The following ERO1A variants were observed in gnomAD, a reference collection of about 807,000 sequenced individuals.
The protein encoded by ERO1A is ERO1-like protein alpha.
In ERO1A, 49 loss-of-function variants were observed where a neutral mutation model predicts 76.9. That is an observed-to-expected ratio of 0.64 (90% CI 0.51 to 0.81). The LOEUF (loss-of-function observed/expected upper bound fraction) is 0.81, where lower values mean the gene tolerates loss of function less well. ERO1A is among the 30% of genes least tolerant of loss of function. The pLI is 0.00. For synonymous variants in ERO1A, 174 were observed against 181.2 expected (o/e 0.96, Z 0.32); for missense variants, 448 against 542.1 (o/e 0.83, Z 1.72).
At chr14:52,690,752 A>G (rs919984721) in intron 1 of ERO1A, among the ~76,000 whole-genome samples, 8 of 152,220 alleles carry the variant, frequency 5.3e-5, no homozygotes, top group Non-Finnish European at 7.3e-5. Flanking sequence ...ATTATGTGGT[A>G]CACCTTAAAT....
In ERO1A at chr14:52,654,191, G is replaced by A. The variant is rs144530930; in HGVS notation, c.809-876C>T. ...GAACATTTTCTGTTTTTCTTTGCCT[G>A]GTTCTCATGCTAGACTTATAATTTT... On this transcript the variant is annotated intron_variant, in intron 11 of 15. Transcript: ENST00000395686. 9.7e-3 allele frequency among the ~76,000 whole-genome samples: 1,475 copies of A among 151,902 alleles called. 8 individuals carry two copies. The highest frequency in any genetic ancestry group is 0.017 in the Middle Eastern group (5 of 294).
At chr14:52,654,638 A>T (rs1207310543) in intron 11 of ERO1A, among the ~76,000 whole-genome samples, 1 of 152,228 alleles carries the variant, frequency 6.6e-6, no homozygotes, top group South Asian at 2.1e-4. Flanking sequence ...TTCAAGTCAG[A>T]GAAGGAAAAT....
chr14:52,690,512 G>C (rs1358846910), intron 1 of ERO1A, among the ~76,000 whole-genome samples: 1 of 152,158 alleles, frequency 6.6e-6, no homozygotes, highest in African/African-American at 2.4e-5. Flanking sequence ...AGGCCAAGGA[G>C]GGCAGATCAC....
Position 52,646,045 on chromosome 14 carries a change from T to C in ERO1A, c.1346+109A>G, listed in dbSNP as rs192783747. On this transcript the variant is annotated intron_variant, in intron 15 of 15. Coordinates refer to ENST00000395686, the MANE Select transcript of ERO1A (RefSeq NM_014584.3). ...ACCAAAACTCCGTCTCAAAAATAAA[T>C]AAACAAATAAAATAAAAAGGATATT... 1.1e-3 allele frequency: 1,361 copies of C among 1,266,064 alleles called. 19 individuals are homozygous for C. In the East Asian group the frequency reaches 0.014, roughly 13 times the overall value. 78.4% of individuals were successfully genotyped at this position (1,266,064 alleles called of 1,614,324 possible).
In ERO1A at chr14:52,668,053, G is replaced by A. The variant is rs549488286; in HGVS notation, c.509-1558C>T. On this transcript the variant is annotated intron_variant, in intron 6 of 15. Transcript: ENST00000395686. ...TTGCTTCTAGAAGCAGTACAATGAC[G>A]GCATCTTAAAATAGCAGAGTTCAAT... 2.7e-3 allele frequency among the ~76,000 whole-genome samples: 404 copies of A among 151,726 alleles called. 2 individuals are homozygous for A. Among genetic ancestry groups the A allele is most frequent in the African/African-American group, 9.4e-3 (389 of 41,338 alleles).
chr14:52,660,994 A>C (rs2040213337), intron 9 of ERO1A, among the ~76,000 whole-genome samples: 1 of 152,184 alleles, frequency 6.6e-6, no homozygotes, highest in South Asian at 2.1e-4. Context: ...AAGAGAGAGG[A>C]CATTTCCCTG....
intron 7 of ERO1A, 38 bp from the exon 8 acceptor site, chr14:52,663,885 T>C (rs755807395): frequency 5.1e-6 from 6 of 1,173,664 alleles, no homozygotes; most frequent in Non-Finnish European, 7.5e-6. Flanking sequence ...AACACAAATA[T>C]GTTACCAATC....
At chr14:52,645,642 T>G (rs1293037077) in intron 15 of ERO1A, among the ~76,000 whole-genome samples, 5 of 152,122 alleles carry the variant, frequency 3.3e-5, no homozygotes, top group Admixed American at 2.6e-4. Flanking sequence ...ATGTACTAAT[T>G]GTATATGTCT....
At chr14:52,675,419 G>T (rs780851277) in intron 4 of ERO1A, among the ~76,000 whole-genome samples, 3 of 151,544 alleles carry the variant, frequency 2.0e-5, no homozygotes, top group Non-Finnish European at 4.4e-5. Context: ...CTAGGTTACG[G>T]GTATAAGAAT....
chr14:52,656,641 G>GGCAGA (rs1199951857), intron 11 of ERO1A, among the ~76,000 whole-genome samples: 1 of 150,262 alleles, frequency 6.7e-6, no homozygotes, highest in Admixed American at 6.7e-5. Flanking sequence ...GAACCCAGGA[G>GGCAGA]GCAGAGGTCA....
intron 6 of ERO1A, 88 bp downstream of exon 6, chr14:52,671,542 A>AC: frequency 2.3e-6 from 2 of 874,202 alleles, no homozygotes; most frequent in South Asian, 3.8e-5. Context: ...CTACAGGCAC[A>AC]CCACCATGCC....
chr14:52,653,141 T>G lies in ERO1A; in HGVS notation c.983A>C (p.Gln328Pro), dbSNP rs1217966156. 1 of 1,612,264 alleles carries G rather than the reference T, an allele frequency of 6.2e-7. No homozygotes were observed. Among genetic ancestry groups the G allele is most frequent in the Non-Finnish European group, 8.5e-7 (1 of 1,178,490 alleles). Reference sequence around the variant, plus strand: ...CTGAATTTTATTTCCAGTAAAGAGTTGAAAATCTGGGCGCTCGAAGAATGG... The same window carrying G: ...CTGAATTTTATTTCCAGTAAAGAGTGGAAAATCTGGGCGCTCGAAGAATGG... The part of the protein sequence containing the change: ...VLPFFERPDF[Q>P]LFTGNKIQDE... Residue 328 changes from glutamine to proline, a missense_variant, in exon 12 of 16, where the codon CAA (glutamine) becomes CCA (proline). Gln to Pro is a moderately conservative substitution (Grantham distance 76). Around this residue, in one of 2 missense-constraint regions of ERO1A, gnomAD observed 302 missense variants for 411.9 expected, o/e 0.73. Transcript: ENST00000395686.
chr14:52,646,966 T>C (rs1266124215), intron 13 of ERO1A: 1 of 123,354 alleles, frequency 8.1e-6, no homozygotes, highest in African/African-American at 2.9e-5. Context: ...AAAAAATCCT[T>C]TGGTTTCTTT....
chr14:52,676,405 G>T (rs2040785254), intron 4 of ERO1A, among the ~76,000 whole-genome samples: 1 of 152,086 alleles, frequency 6.6e-6, no homozygotes, highest in South Asian at 2.1e-4. Flanking sequence ...CTAGTCAAAA[G>T]GCAGACTGGC....
chr14:52,651,655 T>G (rs931823021), intron 13 of ERO1A, among the ~76,000 whole-genome samples: 14 of 152,170 alleles, frequency 9.2e-5, no homozygotes, highest in Non-Finnish European at 1.5e-5. Context: ...TATATATACA[T>G]GTGTTTATGT....
chr14:52,653,037 T>C, intron 12 of ERO1A, 32 bp downstream of exon 12: 2 of 1,377,990 alleles, frequency 1.5e-6, no homozygotes, highest in East Asian at 2.5e-5. Context: ...GTCACTCTTC[T>C]ATTAATGTAT....
intron 15 of ERO1A, among the ~76,000 whole-genome samples, chr14:52,645,844 A>C (rs1228024662): frequency 1.2e-5 from 1 of 86,260 alleles, no homozygotes; most frequent in African/African-American, 4.7e-5. Context: ...TTTCTACTAA[A>C]AATACACACA....
At position 52,643,725 on chromosome 14, in the gene ERO1A, T is replaced by A. The variant is rs1018800683; in HGVS notation, c.1347-95A>T. The A allele has an allele frequency of 4.8e-4, 319 of 663,230 alleles. 1 individual carries two copies. In the Middle Eastern group the frequency reaches 6.7e-3, roughly 14 times the overall value. 41.1% of individuals were successfully genotyped at this position (663,230 alleles called of 1,614,324 possible). On this transcript the variant is annotated intron_variant, in intron 15 of 15. Coordinates refer to ENST00000395686, the MANE Select transcript of ERO1A (RefSeq NM_014584.3). ...GCATTTTAAAACATTTTTAAAGTAA[T>A]TTATTTCAATAAATTTAAGGTGCAT...
Position 52,653,329 on chromosome 14 carries a change from A to G in ERO1A, c.809-14T>C. Reference sequence around the variant, plus strand: ...CTAACCAGGTCTCTAAGAAGGAAGAAGAATTAAATATTAAAAACTGAATTT... The same window carrying G: ...CTAACCAGGTCTCTAAGAAGGAAGAGGAATTAAATATTAAAAACTGAATTT... On this transcript the variant is annotated splice_polypyrimidine_tract_variant and intron_variant, in intron 11 of 15. Transcript: ENST00000395686. The G allele has an allele frequency of 6.4e-7, 1 of 1,559,936 alleles. No individual in the cohort carries two copies. Among genetic ancestry groups the G allele is most frequent in the Non-Finnish European group, 8.6e-7 (1 of 1,157,478 alleles).
Sources: allele counts gnomAD v4.1 joint callset (sites outside exome capture counted in the v4.1 genomes callset), GRCh38; gene constraint gnomAD v4.1.1; regional missense constraint gnomAD v4.1.1; transcripts MANE v1.5; gene names NCBI Gene and HGNC (gene_info 2026-07-23, HGNC 2026-07-21).